NELL1: variants seen among roughly 807,000 people sequenced by gnomAD.
The protein encoded by NELL1 is neural EGFL like 1.
NELL1 carries 76 observed loss-of-function variants against 107.4 expected under a neutral mutation model. That is an observed-to-expected ratio of 0.71 (90% CI 0.59 to 0.86). The LOEUF is 0.86. Among genes scored for constraint, NELL1 ranks in the 40% least tolerant of loss-of-function variants. The pLI is 0.00. For synonymous variants in NELL1, 353 were observed against 341.2 expected, an observed-to-expected ratio of 1.03 and a Z score of -0.38; for missense variants, 1,024 against 1,005.5, an observed-to-expected ratio of 1.02 and a Z score of -0.25.
chr11:20,741,562 A>G (rs1855890250), intron 2 of NELL1, among the ~76,000 whole-genome samples: 1 of 152,220 alleles, frequency 6.6e-6, no homozygotes, highest in Admixed American at 6.5e-5. Flanking sequence ...CAAGCCACCA[A>G]GAACATCATG....
At chr11:20,949,221 G>A (rs115428727) in intron 11 of NELL1, among the ~76,000 whole-genome samples, 174 of 152,268 alleles carry the variant, frequency 1.1e-3, no homozygotes, top group African/African-American at 4.1e-3. Context: ...TTTCACCATT[G>A]CATGTTTTCA....
chr11:21,111,525 CATGCAACAGGTATATGGTGCTTGCTT>C (rs1156925860), intron 12 of NELL1, among the ~76,000 whole-genome samples: 2 of 152,074 alleles, frequency 1.3e-5, no homozygotes, highest in South Asian at 2.1e-4. Context: ...ATTTCTAGCT[CATGCAACAGGTATATGGTGCTTGCTT>C]ATGCAACAGG....
intron 13 of NELL1, chr11:21,169,990 T>A: frequency 7.5e-7 from 1 of 1,325,464 alleles, no homozygotes; most frequent in South Asian, 1.2e-5. Context: ...CAATGCGGGC[T>A]CCTCAGGCTT....
At chr11:20,829,759 T>C (rs937081504) in intron 3 of NELL1, among the ~76,000 whole-genome samples, 18 of 152,254 alleles carry the variant, frequency 1.2e-4, no homozygotes, top group Admixed American at 3.9e-4. Flanking sequence ...TAGTTTGAGT[T>C]TCTGACATTT....
chr11:20,865,724 C>T (rs1267096243), intron 4 of NELL1, among the ~76,000 whole-genome samples: 2 of 152,128 alleles, frequency 1.3e-5, no homozygotes, highest in African/African-American at 2.4e-5. Flanking sequence ...CTCTTTAATG[C>T]CAGAAAGGGA....
intron 4 of NELL1, among the ~76,000 whole-genome samples, chr11:20,872,188 T>G (rs1849214457): frequency 6.7e-6 from 1 of 148,986 alleles, no homozygotes; most frequent in Non-Finnish European, 1.5e-5. Context: ...TTTTTTTTTT[T>G]TTGGAGACAT....
chr11:21,136,819 C>A (rs1007796649), intron 13 of NELL1, among the ~76,000 whole-genome samples: 3 of 152,074 alleles, frequency 2.0e-5, no homozygotes, highest in African/African-American at 7.2e-5. Flanking sequence ...AAAAAATGGT[C>A]TGCAGTAAGC....
chr11:21,264,025 G>A lies in NELL1; in HGVS notation c.1549+34571G>A, dbSNP rs145023828. 4.2e-4 allele frequency among the ~76,000 whole-genome samples: 63 copies of A among 150,272 alleles called. 1 individual carries two copies. The highest frequency in any genetic ancestry group is 1.5e-3 in the African/African-American group (61 of 40,916). ...TGTTTATAGAGAATTTTTTTGTTTTGCCTAATTACCAGCTTCTCTGTTAGA... is the reference window on the plus strand; with the variant it reads ...TGTTTATAGAGAATTTTTTTGTTTTACCTAATTACCAGCTTCTCTGTTAGA... On this transcript the variant is annotated intron_variant, in intron 14 of 19. Transcript: ENST00000357134.
At chr11:20,779,327 T>C (rs539043909) in intron 2 of NELL1, among the ~76,000 whole-genome samples, 45 of 152,348 alleles carry the variant, frequency 3.0e-4, no homozygotes, top group South Asian at 1.9e-3. Flanking sequence ...GTAACACTCT[T>C]ATTCAATCCT....
At chr11:21,362,914 G>C (rs796693162) in intron 14 of NELL1, among the ~76,000 whole-genome samples, 1 of 139,704 alleles carries the variant, frequency 7.2e-6, no homozygotes, top group Non-Finnish European at 1.6e-5. Context: ...TTCCAGAGGG[G>C]ATCTTGGCCA....
chr11:20,700,930 C>G (rs543641788), intron 2 of NELL1, among the ~76,000 whole-genome samples: 4 of 152,280 alleles, frequency 2.6e-5, no homozygotes, highest in African/African-American at 9.6e-5. Context: ...TGGGTCAGTT[C>G]CAAGTCTTTG....
intron 14 of NELL1, among the ~76,000 whole-genome samples, chr11:21,277,277 A>C (rs1848886694): frequency 6.6e-6 from 1 of 152,174 alleles, no homozygotes; most frequent in African/African-American, 2.4e-5. Context: ...ACATTTATGC[A>C]GCCAAAAGAC....
At chr11:20,705,766 T>C (rs1854932042) in intron 2 of NELL1, among the ~76,000 whole-genome samples, 1 of 150,386 alleles carries the variant, frequency 6.6e-6, no homozygotes, top group Non-Finnish European at 1.5e-5. Flanking sequence ...AACCTACTCA[T>C]CTGACAAAGG....
At chr11:21,333,856 T>C (rs1850325595) in intron 14 of NELL1, among the ~76,000 whole-genome samples, 3 of 152,052 alleles carry the variant, frequency 2.0e-5, no homozygotes, top group African/African-American at 4.8e-5. Flanking sequence ...TCAAAGGAAG[T>C]CTGTGGTAGA....
At position 21,099,218 on chromosome 11, in the gene NELL1, C is replaced by CAA. The variant is rs1554967521; in HGVS notation, c.1301-14370_1301-14369insAA. Among the ~76,000 whole-genome samples the CAA allele has an allele frequency of 9.1e-5, 13 of 143,010 alleles. No homozygotes were observed. The South Asian group carries it at 1.4e-3, about 15-fold the overall frequency. 93.8% of individuals were successfully genotyped at this position (143,010 alleles called of 152,430 possible). On this transcript the variant is annotated intron_variant, in intron 12 of 19. Coordinates refer to ENST00000357134, the MANE Select transcript of NELL1 (RefSeq NM_006157.5). ...ACACACACACACACACACACACACACACACACACACACACAAACACACACA... is the reference window on the plus strand; with the variant it reads ...ACACACACACACACACACACACACACAAACACACACACACACAAACACACACA...
chr11:20,925,670 C>T (rs1416337144), intron 7 of NELL1, among the ~76,000 whole-genome samples: 2 of 152,040 alleles, frequency 1.3e-5, no homozygotes, highest in African/African-American at 2.4e-5. Context: ...TTTCAGGCAG[C>T]GTCAACTCTT....
At chr11:21,039,439 G>A (rs575133491) in intron 12 of NELL1, among the ~76,000 whole-genome samples, 14 of 152,192 alleles carry the variant, frequency 9.2e-5, no homozygotes, top group African/African-American at 3.4e-4. Flanking sequence ...ACCTGCCTTG[G>A]CCTCCCAAAG....
chr11:21,165,442 G>A (rs185879395), intron 13 of NELL1, among the ~76,000 whole-genome samples: 88 of 152,224 alleles, frequency 5.8e-4, no homozygotes, highest in South Asian at 1.7e-3. Flanking sequence ...TATCAAATGA[G>A]CATTCCGGAG....
At chr11:21,280,517 C>T (rs150323852) in intron 14 of NELL1, among the ~76,000 whole-genome samples, 2 of 152,194 alleles carry the variant, frequency 1.3e-5, no homozygotes, top group East Asian at 3.9e-4. Flanking sequence ...AGAATCTGTG[C>T]ATTTGTGGGA....
Sources: allele counts gnomAD v4.1 joint callset (sites outside exome capture counted in the v4.1 genomes callset), GRCh38; gene constraint gnomAD v4.1.1; transcripts MANE v1.5; gene names NCBI Gene and HGNC (gene_info 2026-07-23, HGNC 2026-07-21).